Variants in HERC4 observed in about 807,000 individuals in gnomAD.
HERC4 encodes HECT and RLD domain containing E3 ubiquitin protein ligase 4.
In HERC4, 28 loss-of-function variants were observed where a neutral mutation model predicts 124.3. That is an observed-to-expected ratio of 0.23 (90% CI 0.17 to 0.31). The LOEUF (loss-of-function observed/expected upper bound fraction) is 0.31. Among genes scored for constraint, HERC4 ranks in the 10% least tolerant of loss-of-function variants. The pLI is 1.00. For missense variants in HERC4, 713 were observed against 1,229.3 expected, an observed-to-expected ratio of 0.58 and a Z score of 6.28; for synonymous variants, 407 against 421.5, an observed-to-expected ratio of 0.97 and a Z score of 0.42.
rs557492838 is a variant in HERC4 at position 67,975,504 on chromosome 10, C to G, written c.1807-8702G>C. Among the ~76,000 whole-genome samples, 134 of 152,194 alleles carry G rather than the reference C, an allele frequency of 8.8e-4. 4 individuals are homozygous for G. Among genetic ancestry groups the G allele is most frequent in the Admixed American group, 8.8e-3 (134 of 15,296 alleles). On this transcript the variant is annotated intron_variant, in intron 15 of 24. Coordinates refer to ENST00000373700, the MANE Select transcript of HERC4 (RefSeq NM_015601.4). ...AGCTGGGATTACAGGTGCCCACCAC[C>G]ATGCCCAGCTAATTTTTTGTATTTT...
At chr10:68,024,358 G>C (rs2038794895) in intron 8 of HERC4, among the ~76,000 whole-genome samples, 1 of 152,110 alleles carries the variant, frequency 6.6e-6, no homozygotes, top group South Asian at 2.1e-4. Flanking sequence ...GGGAAATATG[G>C]TTTAACCTAC....
intron 3 of HERC4, among the ~76,000 whole-genome samples, chr10:68,051,111 A>C (rs1185665473): frequency 4.0e-5 from 6 of 151,584 alleles, no homozygotes; most frequent in African/African-American, 1.5e-4. Flanking sequence ...CAAAAAAAAA[A>C]AAAAACAAAG....
intron 5 of HERC4, among the ~76,000 whole-genome samples, chr10:68,037,604 G>A (rs372896331): frequency 1.3e-5 from 2 of 152,158 alleles, no homozygotes; most frequent in East Asian, 3.8e-4. Context: ...ATCTTCCCCA[G>A]TTGCAGCTAT....
chr10:67,925,024 G>T, intron 24 of HERC4, 61 bp downstream of exon 24: 1 of 918,348 alleles, frequency 1.1e-6, no homozygotes, highest in Admixed American at 2.3e-5. Flanking sequence ...ACAGGGCTTT[G>T]GAATAATACT....
chr10:68,059,852 TATC>T (rs1448798863), intron 3 of HERC4, among the ~76,000 whole-genome samples: 2 of 78,060 alleles, frequency 2.6e-5, no homozygotes, highest in Non-Finnish European at 4.3e-5. Context: ...ATATATTATA[TATC>T]ATAATATTAT....
At chr10:68,057,216 A>G (rs943134949) in intron 3 of HERC4, among the ~76,000 whole-genome samples, 1 of 152,226 alleles carries the variant, frequency 6.6e-6, no homozygotes, top group African/African-American at 2.4e-5. Context: ...CTAAGCCAAA[A>G]TATTATTCAG....
In HERC4 at chr10:68,034,087, A is replaced by C. The variant is rs747578872; in HGVS notation, c.563T>G (p.Leu188Arg). 1 of 1,614,146 alleles carries C rather than the reference A, an allele frequency of 6.2e-7. No individual in the cohort carries two copies. The highest frequency in any genetic ancestry group is 1.1e-5 in the South Asian group (1 of 91,088). ...QTSPQLLKSL[L>R]GIPFMQVAAG... is the part of the protein sequence containing the mutation. ...TGCAACTTGCATGAAAGGGATTCCAAGCAAAGACTTAAGCAGCTGCGGTGA... is the reference window on the plus strand; with the variant it reads ...TGCAACTTGCATGAAAGGGATTCCACGCAAAGACTTAAGCAGCTGCGGTGA... Residue 188 changes from leucine to arginine, a missense_variant, in exon 6 of 25, where the codon CTT (leucine) becomes CGT (arginine). By Grantham distance (102) the Leu-to-Arg change is moderately radical. Coordinates refer to ENST00000373700, the MANE Select transcript of HERC4 (RefSeq NM_015601.4).
At chr10:68,040,449 C>T (rs1589397281) in intron 4 of HERC4, 1 of 845,814 alleles carries the variant, frequency 1.2e-6, no homozygotes, top group Non-Finnish European at 1.4e-6. Context: ...ACAAGGCTTC[C>T]CATGTTCCAT....
At chr10:68,029,825 A>G (rs12778660) in intron 7 of HERC4, among the ~76,000 whole-genome samples, 2 of 149,476 alleles carry the variant, frequency 1.3e-5, no homozygotes, top group Non-Finnish European at 1.5e-5. Context: ...TGCAACCTCC[A>G]CCTCCCAGGT....
At chr10:67,981,197 A>G (rs1397466113) in intron 15 of HERC4, among the ~76,000 whole-genome samples, 1 of 152,224 alleles carries the variant, frequency 6.6e-6, no homozygotes, top group African/African-American at 2.4e-5. Flanking sequence ...AAGGGATGGA[A>G]AAAGATATCC....
At chr10:67,953,035 G>A (rs1342839932) in intron 19 of HERC4, among the ~76,000 whole-genome samples, 2 of 152,040 alleles carry the variant, frequency 1.3e-5, no homozygotes, top group African/African-American at 2.4e-5. Context: ...ACTTTGGTAT[G>A]TAATATATTG....
intron 16 of HERC4, chr10:67,960,913 A>G (rs943984459): frequency 2.0e-5 from 6 of 305,790 alleles, no homozygotes; most frequent in African/African-American, 1.2e-4. Flanking sequence ...ATCTTTTCCA[A>G]TGTTTATTGA....
At chr10:67,926,164 C>G (rs1372770360) in intron 23 of HERC4, among the ~76,000 whole-genome samples, 1 of 152,066 alleles carries the variant, frequency 6.6e-6, no homozygotes, top group African/African-American at 2.4e-5. Context: ...GGTGTCCAAG[C>G]CGGGCAGATC....
At chr10:67,939,709 A>G in intron 20 of HERC4, 55 bp from the exon 21 acceptor site, 1 of 937,328 alleles carries the variant, frequency 1.1e-6, no homozygotes, top group South Asian at 1.5e-5. Flanking sequence ...TATTTTGACT[A>G]TTTTACTTAT....
intron 15 of HERC4, among the ~76,000 whole-genome samples, chr10:67,970,579 G>A (rs779911722): frequency 6.8e-6 from 1 of 147,260 alleles, no homozygotes; most frequent in African/African-American, 2.5e-5. Flanking sequence ...GTGACAGAGC[G>A]AGACTCTGTC....
intron 19 of HERC4, among the ~76,000 whole-genome samples, chr10:67,948,327 AG>A (rs1362168741): frequency 6.6e-6 from 1 of 152,124 alleles, no homozygotes; most frequent in Admixed American, 6.5e-5. Flanking sequence ...TTATTCAGCA[AG>A]AAAAAAACAA....
At chr10:67,985,407 T>C (rs1262306781) in intron 15 of HERC4, among the ~76,000 whole-genome samples, 2 of 152,230 alleles carry the variant, frequency 1.3e-5, no homozygotes, top group Non-Finnish European at 2.9e-5. Context: ...ATTGCCTAAA[T>C]GTACAAAATA....
chr10:68,010,605 G>T, intron 9 of HERC4: 1 of 1,329,248 alleles, frequency 7.5e-7, no homozygotes, highest in Non-Finnish European at 1.1e-6. Context: ...CTGCACGAGG[G>T]TTTCGGCTTT....
chr10:68,052,941 T>C (rs1022478330), intron 3 of HERC4, among the ~76,000 whole-genome samples: 1 of 152,212 alleles, frequency 6.6e-6, no homozygotes, highest in Non-Finnish European at 1.5e-5. Flanking sequence ...ACTTGTTTTA[T>C]ACCTTCTTAA....
Sources: allele counts gnomAD v4.1 joint callset (sites outside exome capture counted in the v4.1 genomes callset), GRCh38; gene constraint gnomAD v4.1.1; transcripts MANE v1.5; gene names NCBI Gene and HGNC (gene_info 2026-07-23, HGNC 2026-07-21).